COP1: variants seen among roughly 807,000 people sequenced by gnomAD.
The protein encoded by COP1 is COP1 E3 ubiquitin ligase.
Under a neutral mutation model 101.3 loss-of-function variants are expected in COP1, and 24 were observed. The observed-to-expected ratio is 0.24, with a 90% CI of 0.17 to 0.33. COP1 has a LOEUF of 0.33. COP1 is among the 10% of genes least tolerant of loss of function. The pLI is 1.00. For synonymous variants in COP1, 347 were observed against 341.9 expected (o/e 1.01, Z -0.17); for missense variants, 663 against 906.2 (o/e 0.73, Z 3.45).
intron 14 of COP1, among the ~76,000 whole-genome samples, chr1:176,035,908 T>C (rs994148249): frequency 3.9e-5 from 6 of 152,068 alleles, no homozygotes; most frequent in Non-Finnish European, 8.8e-5. Context: ...GTTAACACTA[T>C]GTAAAATATA....
At chr1:176,011,336 A>G (rs1664623574) in intron 15 of COP1, among the ~76,000 whole-genome samples, 1 of 152,198 alleles carries the variant, frequency 6.6e-6, no homozygotes, top group African/African-American at 2.4e-5. Flanking sequence ...GACAGTTTTG[A>G]TAGAAAATAA....
intron 5 of COP1, among the ~76,000 whole-genome samples, chr1:176,157,409 A>T (rs1030210379): frequency 6.6e-6 from 1 of 152,186 alleles, no homozygotes; most frequent in Non-Finnish European, 1.5e-5. Flanking sequence ...AGTAAAAGGG[A>T]CTAGATTTAC....
At position 176,109,427 on chromosome 1, in the gene COP1, C is replaced by G. The variant is rs528273274; in HGVS notation, c.1026+7197G>C. Among the ~76,000 whole-genome samples the G allele has an allele frequency of 1.1e-4, 17 of 152,294 alleles. No individual in the cohort carries two copies. The South Asian group carries it at 3.3e-3, about 30-fold the overall frequency. ...TCTACATGACCACCTTTATCACAGACTATTAATTACTTTTTGGTAGATTTT... is the reference window on the plus strand; with the variant it reads ...TCTACATGACCACCTTTATCACAGAGTATTAATTACTTTTTGGTAGATTTT... On this transcript the variant is annotated intron_variant, in intron 9 of 19. Transcript: ENST00000367669.
intron 6 of COP1, among the ~76,000 whole-genome samples, chr1:176,143,794 T>TA (rs1433379035): frequency 1.3e-5 from 2 of 152,104 alleles, no homozygotes; most frequent in Non-Finnish European, 2.9e-5. Context: ...GATGCAAAGT[T>TA]GATTGACTCC....
chr1:176,162,754 G>T, intron 5 of COP1, 115 bp downstream of exon 5: 1 of 813,274 alleles, frequency 1.2e-6, no homozygotes, highest in Non-Finnish European at 1.8e-6. Flanking sequence ...GTTTCTAGCT[G>T]AGTAAAAATG....
At chr1:176,047,927 T>G in intron 11 of COP1, among the ~76,000 whole-genome samples, 1 of 151,642 alleles carries the variant, frequency 6.6e-6, no homozygotes, top group East Asian at 2.0e-4. Context: ...ATGAAACAAT[T>G]AGTGAGGCAT....
chr1:176,177,277 T>TA (rs537066925), intron 2 of COP1, among the ~76,000 whole-genome samples: 13 of 147,944 alleles, frequency 8.8e-5, no homozygotes, highest in Non-Finnish European at 1.6e-4. Flanking sequence ...GCCTCCCTAT[T>TA]AAAAAAAACA....
intron 13 of COP1, among the ~76,000 whole-genome samples, chr1:176,043,499 C>A (rs1670993855): frequency 6.6e-6 from 1 of 151,990 alleles, no homozygotes; most frequent in Non-Finnish European, 1.5e-5. Flanking sequence ...TCCATAAAGA[C>A]CGAAGTCTGA....
At chr1:176,099,614 T>G (rs1310573379) in intron 9 of COP1, among the ~76,000 whole-genome samples, 1 of 152,044 alleles carries the variant, frequency 6.6e-6, no homozygotes, top group East Asian at 1.9e-4. Context: ...TTTACATCAG[T>G]GCAATAAGAA....
At chr1:176,142,227 A>C (rs965525065) in intron 6 of COP1, among the ~76,000 whole-genome samples, 4 of 152,122 alleles carry the variant, frequency 2.6e-5, no homozygotes, top group Non-Finnish European at 5.9e-5. Context: ...GATACAAAAA[A>C]TTTACTTTAA....
intron 15 of COP1, among the ~76,000 whole-genome samples, chr1:176,002,345 T>G (rs1399378775): frequency 1.3e-5 from 2 of 151,950 alleles, no homozygotes; most frequent in Non-Finnish European, 2.9e-5. Context: ...TCTTTTTTAG[T>G]TTTTATTTAT....
At chr1:175,999,759 C>T (rs554037675) in intron 15 of COP1, among the ~76,000 whole-genome samples, 2 of 152,058 alleles carry the variant, frequency 1.3e-5, no homozygotes, top group Non-Finnish European at 2.9e-5. Context: ...TCTCCACATC[C>T]TCACCAGCAT....
intron 11 of COP1, among the ~76,000 whole-genome samples, chr1:176,048,929 T>C (rs1042825240): frequency 6.6e-6 from 1 of 151,254 alleles, no homozygotes; most frequent in Non-Finnish European, 1.5e-5. Context: ...TCCCAGCACT[T>C]TGGGAGGCCG....
intron 15 of COP1, among the ~76,000 whole-genome samples, chr1:176,023,718 C>CAA (rs759455090): frequency 9.4e-4 from 115 of 121,998 alleles, no homozygotes; most frequent in African/African-American, 2.9e-3. Flanking sequence ...AACTCCATCT[C>CAA]AAAAAAAAAA....
chr1:176,058,700 T>C (rs1472155993), intron 11 of COP1, among the ~76,000 whole-genome samples: 1 of 151,072 alleles, frequency 6.6e-6, no homozygotes, highest in East Asian at 1.9e-4. Flanking sequence ...CCTCCACTAT[T>C]GTCCTATGAC....
At chr1:176,146,215 C>A (rs1691565172) in intron 6 of COP1, among the ~76,000 whole-genome samples, 2 of 152,142 alleles carry the variant, frequency 1.3e-5, no homozygotes, top group African/African-American at 4.8e-5. Context: ...ACAGAGAAGA[C>A]TGGCTTTTAC....
intron 11 of COP1, among the ~76,000 whole-genome samples, chr1:176,047,133 G>C (rs1400925166): frequency 6.6e-6 from 1 of 152,024 alleles, no homozygotes; most frequent in Non-Finnish European, 1.5e-5. Flanking sequence ...TTAGCCCAAA[G>C]GTAGTAAAAG....
At position 176,116,614 on chromosome 1, in the gene COP1, T is replaced by G; in HGVS notation, c.1026+10A>C. The G allele has an allele frequency of 6.3e-7, 1 of 1,595,358 alleles. No individual in the cohort carries two copies. On this transcript the variant is annotated intron_variant, in intron 9 of 19. Coordinates refer to ENST00000367669, the MANE Select transcript of COP1 (RefSeq NM_022457.7). ...ATGGTATCATTAAAGCAAACAAAGATATCGTTTACCTGAGAACTGCCACTG... is the reference window on the plus strand; with the variant it reads ...ATGGTATCATTAAAGCAAACAAAGAGATCGTTTACCTGAGAACTGCCACTG...
intron 3 of COP1, among the ~76,000 whole-genome samples, chr1:176,166,171 G>A (rs1695115893): frequency 6.6e-6 from 1 of 152,080 alleles, no homozygotes; most frequent in African/African-American, 2.4e-5. Context: ...CTGTCACGCA[G>A]GATGGAGTGC....
Sources: allele counts gnomAD v4.1 joint callset (sites outside exome capture counted in the v4.1 genomes callset), GRCh38; gene constraint gnomAD v4.1.1; transcripts MANE v1.5; gene names NCBI Gene and HGNC (gene_info 2026-07-23, HGNC 2026-07-21).